CNBD1: variants seen among roughly 807,000 people sequenced by gnomAD.
CNBD1 encodes the protein cyclic nucleotide binding domain containing 1, also known as cyclic nucleotide-binding domain-containing protein 1.
Under a neutral mutation model 54.4 loss-of-function variants are expected in CNBD1, and 71 were observed. That is an observed-to-expected ratio of 1.30 (90% CI 1.08 to 1.59). The LOEUF (loss-of-function observed/expected upper bound fraction) is 1.59. CNBD1 is among the 40% of genes most tolerant of loss of function. The pLI is 0.00. For synonymous variants in CNBD1, 182 were observed against 170.7 expected, an observed-to-expected ratio of 1.07 and a Z score of -0.51; for missense variants, 659 against 518.0, an observed-to-expected ratio of 1.27 and a Z score of -2.64.
At chr8:87,342,808 G>T (rs112000782) in intron 8 of CNBD1, among the ~76,000 whole-genome samples, 2,840 of 152,168 alleles carry the variant, frequency 0.019, 90 homozygotes, top group African/African-American at 0.062. Context: ...CAAGGCAAGG[G>T]CAAAATTAGA....
chr8:87,315,885 T>A (rs1204958319), intron 8 of CNBD1, among the ~76,000 whole-genome samples: 1 of 152,014 alleles, frequency 6.6e-6, no homozygotes, highest in Admixed American at 6.6e-5. Context: ...AAAGAATAAA[T>A]GTTTGAGGTG....
chr8:87,353,037 A>C (rs116451744), intron 9 of CNBD1, among the ~76,000 whole-genome samples: 2,844 of 152,196 alleles, frequency 0.019, 87 homozygotes, highest in African/African-American at 0.062. Flanking sequence ...GAGGTCTCAA[A>C]ATTTTCTCCA....
Position 86,894,490 on chromosome 8 carries a change from T to G in CNBD1, c.158+6879T>G, listed in dbSNP as rs138401594. Among the ~76,000 whole-genome samples, 6 of 152,338 alleles carry G rather than the reference T, an allele frequency of 3.9e-5. No homozygotes were observed. The East Asian group carries it at 1.2e-3, about 29-fold the overall frequency. Reference sequence around the variant, plus strand: ...ATATCTTGCAGAAGCATGGTATATATGTTGCAATTTTTAGCCGATGTTGTT... The same window carrying G: ...ATATCTTGCAGAAGCATGGTATATAGGTTGCAATTTTTAGCCGATGTTGTT... On this transcript the variant is annotated intron_variant, in intron 2 of 10. Transcript: ENST00000518476.
rs551474593 is a variant in CNBD1, at chr8:87,337,800, A to T, written c.1043-13885A>T. Among the ~76,000 whole-genome samples the T allele has an allele frequency of 4.6e-5, 7 of 152,306 alleles. No individual in the cohort carries two copies. In the South Asian group the frequency reaches 1.5e-3, roughly 32 times the overall value. ...TCTTCGTGGATCATGCCAGCCACCT[A>T]GTCAGTTCTAATGACAGAACCTGAA... is the stretch of plus-strand genomic sequence containing the variant. On this transcript the variant is annotated intron_variant, in intron 8 of 10. Transcript: ENST00000518476.
At chr8:87,061,209 C>T (rs1384003888) in intron 4 of CNBD1, among the ~76,000 whole-genome samples, 2 of 152,196 alleles carry the variant, frequency 1.3e-5, no homozygotes, top group Admixed American at 6.5e-5. Flanking sequence ...TCGGTGCTGG[C>T]TTGCTTGAAC....
At chr8:87,325,424 A>G (rs1586014599) in intron 8 of CNBD1, among the ~76,000 whole-genome samples, 1 of 86,592 alleles carries the variant, frequency 1.2e-5, no homozygotes, top group African/African-American at 7.0e-5. Context: ...CCCATTATTA[A>G]TGTGTGGGAG....
chr8:87,189,420 TATTTTCTTCA>T (rs1813551498), intron 4 of CNBD1, among the ~76,000 whole-genome samples: 1 of 152,180 alleles, frequency 6.6e-6, no homozygotes, highest in Admixed American at 6.5e-5. Flanking sequence ...ACAAGCCTAT[TATTTTCTTCA>T]ATTTTCTTCT....
intron 4 of CNBD1, among the ~76,000 whole-genome samples, chr8:86,956,695 G>T (rs1807781052): frequency 6.6e-6 from 1 of 152,224 alleles, no homozygotes; most frequent in Non-Finnish European, 1.5e-5. Flanking sequence ...CTGAGACTTT[G>T]CTGAAGTGAC....
intron 1 of CNBD1, among the ~76,000 whole-genome samples, chr8:86,867,022 A>G (rs1199325178): frequency 6.6e-6 from 1 of 152,200 alleles, no homozygotes; most frequent in African/African-American, 2.4e-5. Context: ...GACAAGGAAA[A>G]AAAGATAATT....
chr8:87,261,013 T>G (rs1369062349), intron 6 of CNBD1, among the ~76,000 whole-genome samples: 1 of 152,154 alleles, frequency 6.6e-6, no homozygotes, highest in Non-Finnish European at 1.5e-5. Context: ...CCCTGTGAAT[T>G]TTTTAAAGCC....
chr8:87,402,863 T>C (rs1318878298), intron 2 of CNBD1, among the ~76,000 whole-genome samples: 2 of 151,980 alleles, frequency 1.3e-5, no homozygotes, highest in Non-Finnish European at 2.9e-5. Context: ...ACTATTGCAA[T>C]AGTTAAATGT....
chr8:87,036,051 C>T (rs928141678), intron 4 of CNBD1, among the ~76,000 whole-genome samples: 2 of 152,172 alleles, frequency 1.3e-5, no homozygotes, highest in Non-Finnish European at 2.9e-5. Context: ...CGCAGCCTTG[C>T]ACCTCCATAG....
At chr8:87,390,435 T>C (rs1406319439) in intron 2 of CNBD1, among the ~76,000 whole-genome samples, 1 of 152,122 alleles carries the variant, frequency 6.6e-6, no homozygotes, top group African/African-American at 2.4e-5. Context: ...GTGAAGGATA[T>C]GAACAGACAC....
intron 2 of CNBD1, among the ~76,000 whole-genome samples, chr8:86,903,980 T>C (rs780209762): frequency 1.3e-5 from 2 of 151,946 alleles, no homozygotes; most frequent in Admixed American, 6.6e-5. Flanking sequence ...ATGCCTAATA[T>C]AGAAAATTAC....
intron 4 of CNBD1, among the ~76,000 whole-genome samples, chr8:87,178,183 C>T (rs940410116): frequency 1.3e-5 from 2 of 152,054 alleles, no homozygotes; most frequent in African/African-American, 4.8e-5. Flanking sequence ...GTGTTTATTC[C>T]AGTGGGAGGT....
At chr8:87,351,324 A>T (rs1197276817) in intron 8 of CNBD1, among the ~76,000 whole-genome samples, 1 of 149,296 alleles carries the variant, frequency 6.7e-6, no homozygotes, top group Non-Finnish European at 1.5e-5. Flanking sequence ...TTAAACTATC[A>T]GAAATTTCAA....
intron 3 of CNBD1, among the ~76,000 whole-genome samples, chr8:86,914,182 C>A (rs1177628603): frequency 6.6e-6 from 1 of 152,134 alleles, no homozygotes; most frequent in Non-Finnish European, 1.5e-5. Context: ...CGACATACAT[C>A]CTCCTCAGTT....
At chr8:87,137,114 T>TTTATATTATATGTAAATTATATA (rs1563482913) in intron 4 of CNBD1, among the ~76,000 whole-genome samples, 2,109 of 61,672 alleles carry the variant, frequency 0.034, 344 homozygotes, top group African/African-American at 0.074. Context: ...ATTATATATA[T>TTTATATTATATGTAAATTATATA]TATATTTTTA....
intron 4 of CNBD1, among the ~76,000 whole-genome samples, chr8:87,088,865 T>C (rs1463585157): frequency 2.6e-5 from 4 of 152,156 alleles, no homozygotes; most frequent in Non-Finnish European, 5.9e-5. Context: ...AGAGAATCTC[T>C]ATCTTTAAAA....
Sources: allele counts gnomAD v4.1 joint callset (sites outside exome capture counted in the v4.1 genomes callset), GRCh38; gene constraint gnomAD v4.1.1; transcripts MANE v1.5; gene names NCBI Gene and HGNC (gene_info 2026-07-23, HGNC 2026-07-21).